Variants in ARHGAP28 observed in about 807,000 individuals in gnomAD.
ARHGAP28 encodes the protein rho GTPase-activating protein 28.
A neutral mutation model predicts 90.7 loss-of-function variants in ARHGAP28; 56 were observed. The observed-to-expected ratio is 0.62, with a 90% CI of 0.50 to 0.77. The LOEUF (loss-of-function observed/expected upper bound fraction) is 0.77. Among genes scored for constraint, ARHGAP28 ranks in the 30% least tolerant of loss-of-function variants. ARHGAP28 has a pLI of 0.00. For missense variants in ARHGAP28, 869 were observed against 900.9 expected, an observed-to-expected ratio of 0.96 and a Z score of 0.45; for synonymous variants, 308 against 323.3, an observed-to-expected ratio of 0.95 and a Z score of 0.51.
At chr18:6,898,496 A>G in intron 16 of ARHGAP28, 1 of 1,614,118 alleles carries the variant, frequency 6.2e-7, no homozygotes, top group Non-Finnish European at 8.5e-7. Context: ...TTAAAAAAGA[A>G]AGAGAAGAGT....
chr18:6,806,065 T>C (rs2056516988), intron 1 of ARHGAP28, among the ~76,000 whole-genome samples: 1 of 151,866 alleles, frequency 6.6e-6, no homozygotes, highest in Non-Finnish European at 1.5e-5. Context: ...TTTTGTTTTT[T>C]TGTATTTTAG....
intron 11 of ARHGAP28, among the ~76,000 whole-genome samples, chr18:6,884,587 T>C (rs2143666818): frequency 6.6e-6 from 1 of 152,306 alleles, no homozygotes; most frequent in African/African-American, 2.4e-5. Flanking sequence ...TTTACTATTG[T>C]TGCTCTTTTA....
chr18:6,898,536 G>A, intron 16 of ARHGAP28: 1 of 1,614,030 alleles, frequency 6.2e-7, no homozygotes, highest in Non-Finnish European at 8.5e-7. Context: ...CCCCAAACAT[G>A]TATTCCTCTT....
intron 1 of ARHGAP28, among the ~76,000 whole-genome samples, chr18:6,776,638 A>G (rs969530277): frequency 6.6e-6 from 1 of 152,190 alleles, no homozygotes; most frequent in South Asian, 2.1e-4. Context: ...GAAGTAGTGG[A>G]TGTAAGTACA....
intron 16 of ARHGAP28, 150 bp downstream of exon 16, chr18:6,896,776 G>A: frequency 1.1e-6 from 1 of 914,496 alleles, no homozygotes; most frequent in South Asian, 2.0e-5. Context: ...AATAAAAAGA[G>A]AATGAAGTTA....
Position 6,739,645 on chromosome 18 carries a change from TTC to T in ARHGAP28, c.122+9728_122+9729del, listed in dbSNP as rs138884918. Reference sequence around the variant, plus strand: ...AGCAGACATTCAAATTGACTAAGCTTTCTCTCTCTCTCTCTCTCTCTCTCTCT... The same window carrying T: ...AGCAGACATTCAAATTGACTAAGCTTTCTCTCTCTCTCTCTCTCTCTCTCT... On this transcript the variant is annotated intron_variant, in intron 1 of 17. Coordinates refer to ENST00000383472, the MANE Select transcript of ARHGAP28 (RefSeq NM_001366230.1). 4.3e-3 allele frequency among the ~76,000 whole-genome samples: 627 copies of T among 144,892 alleles called. 7 individuals carry two copies. The highest frequency in any genetic ancestry group is 0.028 in the Middle Eastern group (8 of 282).
chr18:6,873,940 G>C lies in ARHGAP28; in HGVS notation c.1212+165G>C, dbSNP rs549986081. On this transcript the variant is annotated intron_variant, in intron 9 of 17. Transcript: ENST00000383472. ...GCTTTATTCCATGCACCGCATAACG[G>C]CCCATGGCGCCTGGGCCAGTTGGCC... Among the ~76,000 whole-genome samples, 10 of 152,306 alleles carry C rather than the reference G, an allele frequency of 6.6e-5. 1 individual carries two copies. The South Asian group carries it at 2.1e-3, about 32-fold the overall frequency.
At chr18:6,838,193 AT>A (rs534462324) in intron 3 of ARHGAP28, among the ~76,000 whole-genome samples, 80 of 152,360 alleles carry the variant, frequency 5.3e-4, no homozygotes, top group African/African-American at 1.9e-3. Flanking sequence ...TTCTTGAAAC[AT>A]TTGGGATAAC....
At chr18:6,815,529 T>C (rs1405458728) in intron 1 of ARHGAP28, among the ~76,000 whole-genome samples, 2 of 152,230 alleles carry the variant, frequency 1.3e-5, no homozygotes, top group Non-Finnish European at 2.9e-5. Flanking sequence ...GTTTTTAGTG[T>C]ATTCACAAAG....
At chr18:6,878,409 TG>T (rs1412195394) in intron 10 of ARHGAP28, among the ~76,000 whole-genome samples, 7 of 150,134 alleles carry the variant, frequency 4.7e-5, no homozygotes, top group Admixed American at 4.0e-4. Context: ...GATGAGTTAG[TG>T]GGTGCAGCAC....
At position 6,868,184 on chromosome 18, in the gene ARHGAP28, A is replaced by C; in HGVS notation, c.761A>C (p.His254Pro). Residue 254 changes from histidine (H) to proline (P), a missense_variant, in exon 6 of 18, where the codon CAT becomes CCT. Transcript: ENST00000383472. ...GAGACCATTCCAGTTCTACCAGTTCATTCCAATGGATCACCGGAGCCTGGA... is the reference window on the plus strand; with the variant it reads ...GAGACCATTCCAGTTCTACCAGTTCCTTCCAATGGATCACCGGAGCCTGGA... ...ILETIPVLPVHSNGSPEPGQP... is the reference protein window; with the variant it reads ...ILETIPVLPVPSNGSPEPGQP... The C allele has an allele frequency of 1.2e-6, 2 of 1,614,152 alleles. No individual in the cohort carries two copies. The highest frequency in any genetic ancestry group is 1.7e-6 in the Non-Finnish European group (2 of 1,180,014).
chr18:6,854,086 C>A (rs765296739), intron 4 of ARHGAP28, among the ~76,000 whole-genome samples: 3 of 151,806 alleles, frequency 2.0e-5, no homozygotes, highest in Non-Finnish European at 4.4e-5. Context: ...GAAAGTTGAA[C>A]CAGATTGGTC....
At chr18:6,757,591 C>G (rs2056122307) in intron 1 of ARHGAP28, among the ~76,000 whole-genome samples, 1 of 152,150 alleles carries the variant, frequency 6.6e-6, no homozygotes, top group African/African-American at 2.4e-5. Context: ...GGTCAATGTT[C>G]TAGCTTACCT....
chr18:6,834,521 T>C (rs1417883273), intron 2 of ARHGAP28: 2 of 152,188 alleles, frequency 1.3e-5, no homozygotes, highest in African/African-American at 2.4e-5. Context: ...GAGAGTATGG[T>C]ATAAGCATGT....
At chr18:6,894,598 G>C (rs1715427634) in intron 14 of ARHGAP28, among the ~76,000 whole-genome samples, 1 of 152,152 alleles carries the variant, frequency 6.6e-6, no homozygotes, top group Non-Finnish European at 1.5e-5. Context: ...CTGATCTTTT[G>C]CTGTTACAAT....
chr18:6,819,266 A>G (rs151141989), intron 1 of ARHGAP28, among the ~76,000 whole-genome samples: 1 of 152,324 alleles, frequency 6.6e-6, no homozygotes, highest in African/African-American at 2.4e-5. Context: ...GAGTTCTGCT[A>G]CCAGTTAGGA....
intron 2 of ARHGAP28, among the ~76,000 whole-genome samples, chr18:6,826,706 T>TTTA (rs71163301): frequency 6.8e-6 from 1 of 146,344 alleles, no homozygotes; most frequent in Non-Finnish European, 1.5e-5. Context: ...TTTTTTTTTT[T>TTTA]ATTGATCATT....
intron 4 of ARHGAP28, among the ~76,000 whole-genome samples, chr18:6,856,450 A>G (rs537254244): frequency 6.6e-6 from 1 of 152,162 alleles, no homozygotes; most frequent in African/African-American, 2.4e-5. Context: ...TTGAAGTATA[A>G]CTTACAAACT....
chr18:6,896,899 C>CTTTTATTTTATTTTATTTTA (rs1222805432), intron 16 of ARHGAP28: 17 of 263,556 alleles, frequency 6.5e-5, no homozygotes, highest in African/African-American at 3.8e-4. Flanking sequence ...TGAGTTTTAC[C>CTTTTATTTTATTTTATTTTA]TTTTATTTTA....
Sources: gnomAD v4.1 joint callset for allele counts (sites outside exome capture counted in the v4.1 genomes callset) on GRCh38, gnomAD v4.1.1 for gene constraint, MANE v1.5 for transcripts, NCBI Gene and HGNC (gene_info 2026-07-23, HGNC 2026-07-21) for gene names.